NEGR1: variants seen among roughly 807,000 people sequenced by gnomAD.
NEGR1 encodes the protein IgLON family member 4.
A neutral mutation model predicts 40.9 loss-of-function variants in NEGR1; 10 were observed. That is an observed-to-expected ratio of 0.24 (90% confidence interval 0.15 to 0.42). NEGR1 has a LOEUF of 0.42. Ranked by LOEUF, NEGR1 falls within the 10% of genes least tolerant of loss-of-function variation. The probability of loss-of-function intolerance (pLI) is 1.00; values close to 1 mark genes in which losing one functional copy is unlikely to be tolerated. For synonymous variants in NEGR1, 185 were observed against 166.8 expected (o/e 1.11, Z -0.84); for missense variants, 352 against 438.9 (o/e 0.80, Z 1.77).
chr1:71,948,464 T>C (rs978643071), intron 1 of NEGR1, among the ~76,000 whole-genome samples: 2 of 148,574 alleles, frequency 1.3e-5, no homozygotes, highest in East Asian at 2.0e-4. Flanking sequence ...TCAAGGGATA[T>C]GTGTGCTTCA....
intron 6 of NEGR1, among the ~76,000 whole-genome samples, chr1:71,452,056 A>G (rs1646633217): frequency 6.6e-6 from 1 of 152,212 alleles, no homozygotes; most frequent in Admixed American, 6.5e-5. Flanking sequence ...CATTGCAAAT[A>G]GTTGTAATTT....
intron 1 of NEGR1, among the ~76,000 whole-genome samples, chr1:72,081,711 A>T (rs1182003773): frequency 6.6e-6 from 1 of 152,024 alleles, no homozygotes; most frequent in African/African-American, 2.4e-5. Context: ...TGAGGCCTAG[A>T]AGTTTTTGTG....
chr1:72,231,813 G>T (rs1167939506), intron 1 of NEGR1, among the ~76,000 whole-genome samples: 9 of 152,106 alleles, frequency 5.9e-5, no homozygotes, highest in Non-Finnish European at 1.3e-4. Context: ...GCAAATAGAA[G>T]AAATGAAGAA....
intron 1 of NEGR1, among the ~76,000 whole-genome samples, chr1:72,239,453 T>C (rs1654664932): frequency 6.6e-6 from 1 of 151,844 alleles, no homozygotes; most frequent in African/African-American, 2.4e-5. Flanking sequence ...AAACAGTGTT[T>C]TAAGTATTTC....
At chr1:72,201,936 T>C (rs1653230041) in intron 1 of NEGR1, among the ~76,000 whole-genome samples, 1 of 151,940 alleles carries the variant, frequency 6.6e-6, no homozygotes, top group African/African-American at 2.4e-5. Flanking sequence ...TTTGCAGATA[T>C]TGCATTTTTC....
chr1:71,670,907 TAC>T (rs144683930), intron 4 of NEGR1, among the ~76,000 whole-genome samples: 13 of 150,688 alleles, frequency 8.6e-5, no homozygotes, highest in Admixed American at 2.6e-4. Flanking sequence ...CACACACACA[TAC>T]ACACACACAC....
At chr1:71,912,723 A>C (rs1661451992) in intron 2 of NEGR1, among the ~76,000 whole-genome samples, 2 of 152,202 alleles carry the variant, frequency 1.3e-5, no homozygotes. Flanking sequence ...AGAATAATGT[A>C]GTCTACCATA....
intron 4 of NEGR1, among the ~76,000 whole-genome samples, chr1:71,646,187 G>T (rs1651522027): frequency 6.6e-6 from 1 of 151,668 alleles, no homozygotes; most frequent in South Asian, 2.1e-4. Context: ...TACACATATT[G>T]TTTTGTACAT....
At chr1:71,432,408 A>T (rs562073994) in intron 6 of NEGR1, among the ~76,000 whole-genome samples, 46 of 152,328 alleles carry the variant, frequency 3.0e-4, no homozygotes, top group Non-Finnish European at 5.4e-4. Flanking sequence ...TCCAAAACTC[A>T]TGTAACAACT....
rs545727948 is a variant in NEGR1, at chr1:71,401,047, T to C, written c.*6399A>G. The stretch of plus-strand genomic sequence containing the variant: ...AACTCTGAAAAAGAAAAAAAAATTA[T>C]GTCTCTTCATTGCAGAGAAGAATTT... On this transcript the variant is annotated 3_prime_UTR_variant, in exon 7 of 7. Transcript: ENST00000357731. 3 of 152,282 alleles carry C rather than the reference T, an allele frequency of 2.0e-5. No homozygotes were observed. The highest frequency in any genetic ancestry group is 4.4e-5 in the Non-Finnish European group (3 of 68,016). The allele number at this position is 152,282 out of a possible 1,614,324, so 9.4% of individuals were successfully genotyped here. A position where few individuals can be genotyped will look rare whatever the true frequency, so the allele number is the denominator to read the frequency against.
intron 6 of NEGR1, among the ~76,000 whole-genome samples, chr1:71,443,382 C>A (rs1646560977): frequency 6.6e-6 from 1 of 152,144 alleles, no homozygotes; most frequent in South Asian, 2.1e-4. Flanking sequence ...CCTAAAAATA[C>A]GTTGCTATCT....
intron 5 of NEGR1, among the ~76,000 whole-genome samples, chr1:71,600,937 G>A (rs1001036094): frequency 9.9e-5 from 15 of 152,182 alleles, no homozygotes; most frequent in South Asian, 2.1e-4. Context: ...CGAACTGAGC[G>A]TGGTCCCTCC....
intron 1 of NEGR1, among the ~76,000 whole-genome samples, chr1:71,973,157 A>C (rs931145538): frequency 1.8e-4 from 28 of 152,192 alleles, no homozygotes; most frequent in African/African-American, 6.7e-4. Context: ...TCTACTAAAA[A>C]CACAAAAAAT....
At chr1:71,729,572 A>G (rs1286458376) in intron 3 of NEGR1, among the ~76,000 whole-genome samples, 2 of 152,146 alleles carry the variant, frequency 1.3e-5, no homozygotes, top group African/African-American at 4.8e-5. Context: ...TACGGTAAAA[A>G]TCTAAGAGAT....
In NEGR1 at chr1:71,824,411, G is replaced by A. The variant is rs146739095; in HGVS notation, c.410-48114C>T. Among the ~76,000 whole-genome samples, 456 of 151,302 alleles carry A rather than the reference G, an allele frequency of 3.0e-3. 1 individual carries two copies. Among genetic ancestry groups the A allele is most frequent in the Non-Finnish European group, 4.6e-3 (310 of 67,784 alleles). ...CATGGGACTCAAAATCAGAAGACCT[G>A]GATTCTTAAGAAAATTCTATAATGT... On this transcript the variant is annotated intron_variant, in intron 2 of 6. Coordinates refer to ENST00000357731, the MANE Select transcript of NEGR1 (RefSeq NM_173808.3).
intron 2 of NEGR1, among the ~76,000 whole-genome samples, chr1:71,899,040 G>T (rs891963720): frequency 4.2e-5 from 6 of 142,310 alleles, no homozygotes; most frequent in Non-Finnish European, 7.6e-5. Flanking sequence ...GTGTGTGCGT[G>T]TGTGTGTGTG....
chr1:71,939,841 C>A (rs758230938), intron 1 of NEGR1, among the ~76,000 whole-genome samples: 1 of 152,270 alleles, frequency 6.6e-6, no homozygotes, highest in Non-Finnish European at 1.5e-5. Context: ...GTTTGCTAGG[C>A]ATTTTACATT....
intron 4 of NEGR1, among the ~76,000 whole-genome samples, chr1:71,654,611 G>T (rs1376081241): frequency 6.6e-6 from 1 of 152,020 alleles, no homozygotes; most frequent in Non-Finnish European, 1.5e-5. Context: ...TCTGTACCCT[G>T]AACATATTCA....
intron 3 of NEGR1, among the ~76,000 whole-genome samples, chr1:71,754,609 C>G (rs975318724): frequency 7.9e-5 from 12 of 152,082 alleles, no homozygotes; most frequent in Non-Finnish European, 2.9e-5. Flanking sequence ...CACTTTTCTT[C>G]TCTACCTCAC....
Sources: allele counts gnomAD v4.1 joint callset (sites outside exome capture counted in the v4.1 genomes callset), GRCh38; gene constraint gnomAD v4.1.1; transcripts MANE v1.5; gene names NCBI Gene and HGNC (gene_info 2026-07-23, HGNC 2026-07-21).